KIAA0825: variants seen among roughly 807,000 people sequenced by gnomAD.
The protein encoded by KIAA0825 is uncharacterized protein KIAA0825.
Under a neutral mutation model 147.6 loss-of-function variants are expected in KIAA0825, and 119 were observed. The ratio of observed to expected loss-of-function variants is 0.81; its 90% CI spans 0.69 to 0.94. The LOEUF is 0.94. Among genes scored for constraint, KIAA0825 ranks in the 40% least tolerant of loss-of-function variants. The pLI, the probability that KIAA0825 is intolerant of heterozygous loss-of-function variation, is 0.00. For missense variants in KIAA0825, 1,381 were observed against 1,472.7 expected, an observed-to-expected ratio of 0.94 and a Z score of 1.02; for synonymous variants, 470 against 518.1, an observed-to-expected ratio of 0.91 and a Z score of 1.26.
At chr5:94,239,135 G>T (rs1473577920) in intron 20 of KIAA0825, among the ~76,000 whole-genome samples, 1 of 152,118 alleles carries the variant, frequency 6.6e-6, no homozygotes, top group Non-Finnish European at 1.5e-5. Context: ...AAAATGAATG[G>T]AATGCCTGTC....
At chr5:94,452,173 G>A (rs971516382) in intron 13 of KIAA0825, among the ~76,000 whole-genome samples, 3 of 152,128 alleles carry the variant, frequency 2.0e-5, no homozygotes, top group African/African-American at 7.2e-5. Context: ...TACCCATATG[G>A]AAATAGGCAC....
intron 5 of KIAA0825, among the ~76,000 whole-genome samples, chr5:94,500,056 C>A (rs1273624422): frequency 6.6e-6 from 1 of 152,152 alleles, no homozygotes; most frequent in East Asian, 1.9e-4. Flanking sequence ...CACGCGACAT[C>A]ATGAGCAGAG....
chr5:94,502,785 A>G (rs1765237406), intron 5 of KIAA0825, among the ~76,000 whole-genome samples: 1 of 152,138 alleles, frequency 6.6e-6, no homozygotes, highest in South Asian at 2.1e-4. Context: ...AGTGTACCCT[A>G]TAATAAACTT....
At chr5:94,190,982 A>G (rs1278357100) in intron 20 of KIAA0825, among the ~76,000 whole-genome samples, 1 of 152,170 alleles carries the variant, frequency 6.6e-6, no homozygotes, top group Non-Finnish European at 1.5e-5. Flanking sequence ...GATATTATCT[A>G]ATGTTTTTCT....
intron 17 of KIAA0825, among the ~76,000 whole-genome samples, chr5:94,394,103 T>G (rs1750303111): frequency 6.6e-6 from 1 of 151,998 alleles, no homozygotes; most frequent in South Asian, 2.1e-4. Context: ...CCGCCTGCCT[T>G]AGCCTCCCAA....
At chr5:94,183,737 T>TA (rs1769876002) in intron 20 of KIAA0825, among the ~76,000 whole-genome samples, 1 of 152,228 alleles carries the variant, frequency 6.6e-6, no homozygotes, top group Admixed American at 6.5e-5. Flanking sequence ...GGCACATCTC[T>TA]ACTCTGCAGA....
intron 2 of KIAA0825, among the ~76,000 whole-genome samples, chr5:94,554,154 A>G (rs1776087444): frequency 6.6e-6 from 1 of 152,200 alleles, no homozygotes; most frequent in Non-Finnish European, 1.5e-5. Flanking sequence ...TAAGCTCCAT[A>G]AAATATTCTA....
At chr5:94,594,556 C>A (rs1784925581) in intron 1 of KIAA0825, 1 of 739,154 alleles carries the variant, frequency 1.4e-6, no homozygotes, top group South Asian at 1.4e-5. Flanking sequence ...ATAGTTGGAT[C>A]AAGGCTGCCA....
At chr5:94,275,146 A>G (rs1198116395) in intron 20 of KIAA0825, among the ~76,000 whole-genome samples, 1 of 152,198 alleles carries the variant, frequency 6.6e-6, no homozygotes, top group African/African-American at 2.4e-5. Flanking sequence ...GACATTCTGG[A>G]AATGATGCAC....
intron 2 of KIAA0825, among the ~76,000 whole-genome samples, chr5:94,551,353 C>A (rs959015628): frequency 1.3e-5 from 2 of 151,982 alleles, no homozygotes; most frequent in Non-Finnish European, 2.9e-5. Context: ...ACATCCAGAT[C>A]CAGGAAGCTC....
chr5:94,393,846 ACT>A (rs1271499474), intron 17 of KIAA0825, among the ~76,000 whole-genome samples: 5 of 141,518 alleles, frequency 3.5e-5, no homozygotes, highest in African/African-American at 8.2e-5. Flanking sequence ...AAGAAGAAAC[ACT>A]CTTTTTTTTT....
At chr5:94,215,158 G>C (rs1174346521) in intron 20 of KIAA0825, among the ~76,000 whole-genome samples, 2 of 151,940 alleles carry the variant, frequency 1.3e-5, no homozygotes, top group African/African-American at 2.4e-5. Context: ...TGATGGTCAA[G>C]GAAAAGGAAA....
chr5:94,160,677 C>A (rs1442540660), intron 20 of KIAA0825, among the ~76,000 whole-genome samples: 1 of 148,404 alleles, frequency 6.7e-6, no homozygotes, highest in African/African-American at 2.5e-5. Flanking sequence ...TGTATATTTA[C>A]TATATACATG....
intron 20 of KIAA0825, among the ~76,000 whole-genome samples, chr5:94,318,398 G>T (rs372301024): frequency 1.3e-5 from 2 of 151,774 alleles, no homozygotes; most frequent in Admixed American, 6.6e-5. Flanking sequence ...ATAAGAAATT[G>T]AAATACATTT....
At chr5:94,189,020 A>G (rs1021489195) in intron 20 of KIAA0825, among the ~76,000 whole-genome samples, 1 of 152,180 alleles carries the variant, frequency 6.6e-6, no homozygotes, top group Non-Finnish European at 1.5e-5. Context: ...TTTCCCTGAG[A>G]TAACTATCAA....
chr5:94,338,361 C>T lies in KIAA0825; in HGVS notation c.3710+46007G>A, dbSNP rs192185376. Among the ~76,000 whole-genome samples, 19 of 151,196 alleles carry T rather than the reference C, an allele frequency of 1.3e-4. 1 individual carries two copies. In the South Asian group the frequency reaches 1.9e-3, roughly 15 times the overall value. On this transcript the variant is annotated intron_variant, in intron 20 of 20. Coordinates refer to ENST00000682413, the MANE Select transcript of KIAA0825 (RefSeq NM_001145678.3). ...AATCCTTTTTTAAGTAAAATGTAGT[C>T]GTTTTGACTCTGCTTAGGTTATAGG...
At chr5:94,433,249 G>A (rs895124391) in intron 14 of KIAA0825, among the ~76,000 whole-genome samples, 3 of 152,036 alleles carry the variant, frequency 2.0e-5, no homozygotes, top group Admixed American at 6.6e-5. Context: ...GGATGGTCTC[G>A]ATCTCCTGAC....
rs551033631 is a variant in KIAA0825, at chr5:94,396,313, G to A, written c.3084C>T (p.Asp1028=). Reference sequence around the variant, plus strand: ...CTGTTAAAAGTTCCACAGTGTTTCCGTCCTCAAATATCCGACATATAATTA... The same window carrying A: ...CTGTTAAAAGTTCCACAGTGTTTCCATCCTCAAATATCCGACATATAATTA... ...LIVIICRIFE[D]GNTVELLTGA... The change falls in exon 17 of 21, where the codon GAC becomes GAT. Residue 1028 remains aspartate (D), a synonymous_variant. Coordinates refer to ENST00000682413, the MANE Select transcript of KIAA0825 (RefSeq NM_001145678.3). 161 of 1,550,434 alleles carry A rather than the reference G, an allele frequency of 1.0e-4. 2 individuals are homozygous for A. The South Asian group carries it at 1.6e-3, about 16-fold the overall frequency.
At chr5:94,293,361 G>A (rs1777989295) in intron 20 of KIAA0825, among the ~76,000 whole-genome samples, 1 of 151,988 alleles carries the variant, frequency 6.6e-6, no homozygotes, top group African/African-American at 2.4e-5. Context: ...CCTTAATTTC[G>A]TTATTTACTC....
Sources: gnomAD v4.1 joint callset for allele counts (sites outside exome capture counted in the v4.1 genomes callset) on GRCh38, gnomAD v4.1.1 for gene constraint, MANE v1.5 for transcripts, NCBI Gene and HGNC (gene_info 2026-07-23, HGNC 2026-07-21) for gene names.